The following TSHR variants were observed in gnomAD, a reference collection of about 807,000 sequenced individuals.
The protein encoded by TSHR is thyrotropin receptor.
A neutral mutation model predicts 64.1 loss-of-function variants in TSHR; 51 were observed. That is an observed-to-expected ratio of 0.80 (90% CI 0.64 to 1.01). TSHR has a LOEUF of 1.01. Ranked by LOEUF, TSHR falls within the 50% of genes least tolerant of loss-of-function variation. TSHR has a pLI of 0.00. For missense variants in TSHR, 877 were observed against 942.8 expected (o/e 0.93, Z 0.91); for synonymous variants, 361 against 361.9 (o/e 1.00, Z 0.03).
intron 8 of TSHR, among the ~76,000 whole-genome samples, chr14:81,130,998 CAA>C (rs76794218): frequency 5.9e-5 from 4 of 67,356 alleles, no homozygotes; most frequent in Admixed American, 1.8e-4. Context: ...ACTCCGTCTC[CAA>C]AAAAAAAAAA....
intron 1 of TSHR, chr14:80,981,902 A>G (rs1215691806): frequency 3.0e-5 from 6 of 200,468 alleles, no homozygotes; most frequent in Non-Finnish European, 4.5e-5. Flanking sequence ...TTTCCCTGAC[A>G]CAGTGAAAGA....
chr14:81,016,190 G>C (rs959387000), intron 1 of TSHR, among the ~76,000 whole-genome samples: 1 of 152,036 alleles, frequency 6.6e-6, no homozygotes, highest in Non-Finnish European at 1.5e-5. Flanking sequence ...AGTTTTTCAG[G>C]GGCTTCCATG....
chr14:81,015,484 CA>C (rs1890133159), intron 1 of TSHR, among the ~76,000 whole-genome samples: 1 of 152,036 alleles, frequency 6.6e-6, no homozygotes, highest in Non-Finnish European at 1.5e-5. Flanking sequence ...ATCACTTCTT[CA>C]AAAAATTTTT....
intron 7 of TSHR, chr14:81,104,639 G>C (rs185394407): frequency 4.1e-6 from 4 of 985,248 alleles, no homozygotes; most frequent in Non-Finnish European, 4.8e-6. Flanking sequence ...AGAAAAGGGC[G>C]TACATAAACA....
chr14:81,098,308 A>T (rs1889348273), intron 7 of TSHR, among the ~76,000 whole-genome samples: 1 of 152,240 alleles, frequency 6.6e-6, no homozygotes, highest in African/African-American at 2.4e-5. Flanking sequence ...TTCTTTGGAG[A>T]TACAAGCTAG....
chr14:81,079,920 T>C (rs1393063054), intron 3 of TSHR, among the ~76,000 whole-genome samples: 1 of 137,258 alleles, frequency 7.3e-6, no homozygotes, highest in East Asian at 2.2e-4. Flanking sequence ...GTTTTTACTT[T>C]TATGTGAGTT....
At chr14:80,986,834 T>C (rs1394005873) in intron 1 of TSHR, among the ~76,000 whole-genome samples, 2 of 152,244 alleles carry the variant, frequency 1.3e-5, no homozygotes, top group Non-Finnish European at 2.9e-5. Flanking sequence ...TTAATTTGTC[T>C]GTATCATCTT....
At chr14:81,061,521 T>C (rs1415775934) in intron 1 of TSHR, among the ~76,000 whole-genome samples, 1 of 152,056 alleles carries the variant, frequency 6.6e-6, no homozygotes, top group Non-Finnish European at 1.5e-5. Flanking sequence ...GAGGCCATTA[T>C]CCTCCGCAAA....
chr14:81,114,734 G>C (rs955521063), intron 8 of TSHR, among the ~76,000 whole-genome samples: 12 of 152,332 alleles, frequency 7.9e-5, no homozygotes, highest in East Asian at 1.9e-4. Context: ...GCAGGGCACA[G>C]ACAAACAAAA....
At chr14:80,957,467 A>T (rs200303472) in intron 1 of TSHR, among the ~76,000 whole-genome samples, 2 of 38,610 alleles carry the variant, frequency 5.2e-5, no homozygotes, top group African/African-American at 5.7e-4. Context: ...CAGAAAAAAC[A>T]AAAAAAAAAA....
intron 3 of TSHR, among the ~76,000 whole-genome samples, chr14:81,083,248 T>C (rs1183594005): frequency 1.3e-5 from 2 of 152,128 alleles, no homozygotes; most frequent in Non-Finnish European, 2.9e-5. Context: ...CAATGTTTCT[T>C]AGGGGAAGAA....
At chr14:81,099,982 G>C (rs1050159001) in intron 7 of TSHR, among the ~76,000 whole-genome samples, 12 of 152,118 alleles carry the variant, frequency 7.9e-5, no homozygotes, top group Admixed American at 6.5e-5. Flanking sequence ...TATCAAAGGA[G>C]TTTAGAGACA....
chr14:81,087,911 T>A, intron 3 of TSHR, 43 bp from the exon 4 acceptor site: 1 of 1,340,146 alleles, frequency 7.5e-7, no homozygotes, highest in Non-Finnish European at 1.1e-6. Context: ...TAAGAACAGA[T>A]ACGGATGCAT....
chr14:80,965,704 T>C (rs1457146515), intron 1 of TSHR, among the ~76,000 whole-genome samples: 1 of 152,260 alleles, frequency 6.6e-6, no homozygotes, highest in African/African-American at 2.4e-5. Flanking sequence ...AGTTTTAAAG[T>C]GTTCCATTTA....
At position 81,146,111 on chromosome 14, in the gene TSHR, G is replaced by A. The variant is rs768758629; in HGVS notation, c.*1758G>A. 7 of 228,596 alleles carry A rather than the reference G, an allele frequency of 3.1e-5. No individual in the cohort carries two copies. The South Asian group carries it at 7.3e-4, about 24-fold the overall frequency. The allele number at this position is 228,596 out of a possible 1,614,324, so 14.2% of individuals were successfully genotyped here. A position where few individuals can be genotyped will look rare whatever the true frequency, so the allele number is the denominator to read the frequency against. ...GTAACTAATGAAATTAAACAAATGT[G>A]TTGCCTTTTGTCATGTGTTTCTCTC... On this transcript the variant is annotated 3_prime_UTR_variant, in exon 10 of 10. Coordinates refer to ENST00000298171, the MANE Select transcript of TSHR (RefSeq NM_000369.5).
At chr14:81,105,073 A>G in intron 7 of TSHR, 1 of 985,296 alleles carries the variant, frequency 1.0e-6, no homozygotes, top group Non-Finnish European at 1.2e-6. Flanking sequence ...TCTCCTTGCA[A>G]GGGATAGTTT....
intron 8 of TSHR, among the ~76,000 whole-genome samples, chr14:81,117,689 T>A (rs1179796336): frequency 1.0e-5 from 1 of 96,568 alleles, no homozygotes; most frequent in Non-Finnish European, 1.9e-5. Flanking sequence ...GCCAGCATCA[T>A]TCTGATACCA....
rs188059910 is a variant in TSHR at position 80,972,981 on chromosome 14, G to A, written c.170+17131G>A. Among the ~76,000 whole-genome samples, 16 of 152,220 alleles carry A rather than the reference G, an allele frequency of 1.1e-4. No individual in the cohort carries two copies. The East Asian group carries it at 3.1e-3, about 29-fold the overall frequency. On this transcript the variant is annotated intron_variant, in intron 1 of 9. Coordinates refer to ENST00000298171, the MANE Select transcript of TSHR (RefSeq NM_000369.5). ...CAAGTGACCCAAAGGGAAAACAGAT[G>A]TAAACAGGCCTGGCTAAAGCTTGCA...
chr14:81,112,169 A>G (rs973561345), intron 8 of TSHR, among the ~76,000 whole-genome samples: 1 of 152,216 alleles, frequency 6.6e-6, no homozygotes, highest in Non-Finnish European at 1.5e-5. Flanking sequence ...TACTAACTGT[A>G]AGACCCAAGT....
Sources: gnomAD v4.1 joint callset for allele counts (sites outside exome capture counted in the v4.1 genomes callset) on GRCh38, gnomAD v4.1.1 for gene constraint, MANE v1.5 for transcripts, NCBI Gene and HGNC (gene_info 2026-07-23, HGNC 2026-07-21) for gene names.